The following PLOD2 variants were observed in gnomAD, a reference collection of about 807,000 sequenced individuals.
The protein encoded by PLOD2 is procollagen-lysine,2-oxoglutarate 5-dioxygenase 2.
Under a neutral mutation model 101.0 loss-of-function variants are expected in PLOD2, and 65 were observed. The ratio of observed to expected loss-of-function variants is 0.64; its 90% CI spans 0.53 to 0.79. PLOD2 has a LOEUF of 0.79. Among genes scored for constraint, PLOD2 ranks in the 30% least tolerant of loss-of-function variants. PLOD2 has a pLI of 0.00. For missense variants in PLOD2, 909 were observed against 914.6 expected (o/e 0.99, Z 0.08); for synonymous variants, 314 against 302.9 (o/e 1.04, Z -0.38).
intron 1 of PLOD2, among the ~76,000 whole-genome samples, chr3:146,130,543 A>T (rs1339552606): frequency 6.6e-6 from 1 of 152,236 alleles, no homozygotes; most frequent in Non-Finnish European, 1.5e-5. Flanking sequence ...GGTTCTTAAA[A>T]AACATTTCAG....
intron 17 of PLOD2, among the ~76,000 whole-genome samples, chr3:146,072,123 T>G (rs1430010138): frequency 6.6e-6 from 1 of 151,722 alleles, no homozygotes; most frequent in Admixed American, 6.6e-5. Context: ...GAATTACACC[T>G]AAGGCACTCA....
Position 146,139,948 on chromosome 3 carries a change from C to G in PLOD2, c.110-15719G>C, listed in dbSNP as rs190684253. ...ATTCAACTAATTCCTAGCTACAACACATTAGAAATGAATGGTTCGCCACCT... is the reference window on the plus strand; with the variant it reads ...ATTCAACTAATTCCTAGCTACAACAGATTAGAAATGAATGGTTCGCCACCT... On this transcript the variant is annotated intron_variant, in intron 1 of 19. Coordinates refer to ENST00000282903, the MANE Select transcript of PLOD2 (RefSeq NM_182943.3). Among the ~76,000 whole-genome samples, 602 of 152,158 alleles carry G rather than the reference C, an allele frequency of 4.0e-3. 1 individual carries two copies. Among genetic ancestry groups the G allele is most frequent in the African/African-American group, 0.014 (579 of 41,542 alleles).
At chr3:146,105,969 T>G (rs1937529161) in intron 5 of PLOD2, among the ~76,000 whole-genome samples, 1 of 152,162 alleles carries the variant, frequency 6.6e-6, no homozygotes, top group Non-Finnish European at 1.5e-5. Flanking sequence ...CAAGATGGAG[T>G]GAATACAAGA....
intron 3 of PLOD2, among the ~76,000 whole-genome samples, chr3:146,119,444 TC>T (rs1938078902): frequency 9.1e-6 from 1 of 109,528 alleles, no homozygotes; most frequent in Non-Finnish European, 2.0e-5. Flanking sequence ...TACTTTTGCC[TC>T]TTTTTTTTTA....
At position 146,131,846 on chromosome 3, in the gene PLOD2, G is replaced by A. The variant is rs543042285; in HGVS notation, c.110-7617C>T. ...AATTTTATTTTGTGGAATTGTTGAA[G>A]AGAATTAATTTTATTTTGCAGAACT... is the stretch of plus-strand genomic sequence containing the variant. On this transcript the variant is annotated intron_variant, in intron 1 of 19. Transcript: ENST00000282903. Among the ~76,000 whole-genome samples the A allele has an allele frequency of 3.3e-5, 5 of 152,032 alleles. No individual in the cohort carries two copies. The South Asian group carries it at 1.0e-3, about 32-fold the overall frequency.
At chr3:146,123,763 T>TTTA (rs1339066678) in intron 2 of PLOD2, among the ~76,000 whole-genome samples, 4 of 151,932 alleles carry the variant, frequency 2.6e-5, no homozygotes, top group Admixed American at 2.0e-4. Flanking sequence ...TTTTTTGCTG[T>TTTA]TTTATAGAGT....
chr3:146,138,802 A>G (rs1311427265), intron 1 of PLOD2, among the ~76,000 whole-genome samples: 1 of 152,204 alleles, frequency 6.6e-6, no homozygotes, highest in East Asian at 1.9e-4. Flanking sequence ...CAGTAATAAC[A>G]ATACAATAAT....
intron 1 of PLOD2, among the ~76,000 whole-genome samples, chr3:146,140,051 T>G (rs998684146): frequency 8.5e-5 from 13 of 152,110 alleles, no homozygotes; most frequent in Non-Finnish European, 1.3e-4. Context: ...AAGGTAGATG[T>G]TCATAAAATA....
At position 146,079,209 on chromosome 3, in the gene PLOD2, T is replaced by A. The variant is rs1936446395; in HGVS notation, c.1407A>T (p.Gly469=). Residue 469 remains glycine (G), a synonymous_variant, in exon 13 of 20, where the codon GGA becomes GGT. Coordinates refer to ENST00000282903, the MANE Select transcript of PLOD2 (RefSeq NM_182943.3). Reference sequence around the variant, plus strand: ...CATTCATCTCTGATCGGAGTGTCTTTCCTTTAATTAAGTACACATTAGCCA... The same window carrying A: ...CATTCATCTCTGATCGGAGTGTCTTACCTTTAATTAAGTACACATTAGCCA... ...PYMANVYLIK[G]KTLRSEMNER... The A allele has an allele frequency of 1.2e-6, 2 of 1,610,832 alleles. No homozygotes were observed. Among genetic ancestry groups the A allele is most frequent in the Non-Finnish European group, 1.7e-6 (2 of 1,177,164 alleles).
chr3:146,100,795 CT>C (rs1937359313), intron 7 of PLOD2, among the ~76,000 whole-genome samples: 1 of 152,060 alleles, frequency 6.6e-6, no homozygotes, highest in Non-Finnish European at 1.5e-5. Flanking sequence ...CATAAAGAGC[CT>C]TGTATGACAA....
intron 7 of PLOD2, among the ~76,000 whole-genome samples, chr3:146,100,715 G>A (rs1937356350): frequency 6.6e-6 from 1 of 152,196 alleles, no homozygotes; most frequent in Non-Finnish European, 1.5e-5. Context: ...TGAAGAGGGT[G>A]TGCATGTGTA....
chr3:146,108,968 T>A (rs1288672885), intron 4 of PLOD2, among the ~76,000 whole-genome samples: 1 of 152,130 alleles, frequency 6.6e-6, no homozygotes, highest in African/African-American at 2.4e-5. Context: ...ATTACTGAGG[T>A]CTTGACAGTA....
Position 146,160,986 on chromosome 3 carries a change from C to A in PLOD2, c.4G>T (p.Gly2Trp), listed in dbSNP as rs767119307. The A allele has an allele frequency of 5.1e-5, 80 of 1,573,368 alleles. No individual in the cohort carries two copies. Among genetic ancestry groups the A allele is most frequent in the Non-Finnish European group, 6.6e-5 (77 of 1,158,662 alleles). ...AGCTGAGGCTTCACCGTGCATCCCC[C>A]CATATTCGGCCCTCGAGGGCCGCGC... is the stretch of plus-strand genomic sequence containing the variant. M[G>W]GCTVKPQLLL... The change falls in exon 1 of 20, where the codon GGG becomes TGG. Residue 2 changes from glycine (G) to tryptophan (W), a missense_variant. Coordinates refer to ENST00000282903, the MANE Select transcript of PLOD2 (RefSeq NM_182943.3).
chr3:146,078,537 T>C (rs1485319099), intron 13 of PLOD2, among the ~76,000 whole-genome samples: 5 of 152,014 alleles, frequency 3.3e-5, no homozygotes, highest in Admixed American at 2.0e-4. Flanking sequence ...TCATTTTAAG[T>C]TTTATAATAA....
intron 11 of PLOD2, among the ~76,000 whole-genome samples, chr3:146,083,322 G>T (rs1936628685): frequency 6.6e-6 from 1 of 152,122 alleles, no homozygotes; most frequent in African/African-American, 2.4e-5. Flanking sequence ...AAAGAGAGCT[G>T]ATGAGAAGGT....
chr3:146,088,125 A>T lies in PLOD2; in HGVS notation c.1005+461T>A, dbSNP rs1195918019. Among the ~76,000 whole-genome samples the T allele has an allele frequency of 2.0e-5, 3 of 151,838 alleles. No homozygotes were observed. The East Asian group carries it at 5.8e-4, about 29-fold the overall frequency. The stretch of plus-strand genomic sequence containing the variant: ...TCTGAATATTTTTGAAGAAAATGAC[A>T]GTATCAAAATCCTTTGGGGAATGGC... On this transcript the variant is annotated intron_variant, in intron 9 of 19. Coordinates refer to ENST00000282903, the MANE Select transcript of PLOD2 (RefSeq NM_182943.3).
At chr3:146,139,402 T>A (rs1376621749) in intron 1 of PLOD2, among the ~76,000 whole-genome samples, 1 of 152,152 alleles carries the variant, frequency 6.6e-6, no homozygotes, top group African/African-American at 2.4e-5. Flanking sequence ...GTTTAAAGTA[T>A]CTTCTGTGAC....
At position 146,121,093 on chromosome 3, in the gene PLOD2, C is replaced by T. The variant is rs1327354356; in HGVS notation, c.338+19G>A. The T allele has an allele frequency of 6.5e-7, 1 of 1,536,598 alleles. No individual in the cohort carries two copies. Among genetic ancestry groups the T allele is most frequent in the South Asian group, 1.1e-5 (1 of 89,536 alleles). On this transcript the variant is annotated intron_variant, in intron 3 of 19. Transcript: ENST00000282903. ...GTAATTGAATATAGATTTTAAAATCCACAGGGTGTTTCTCCTACCATTCAG... is the reference window on the plus strand; with the variant it reads ...GTAATTGAATATAGATTTTAAAATCTACAGGGTGTTTCTCCTACCATTCAG...
chr3:146,091,071 A>C (rs1408492277), intron 8 of PLOD2, among the ~76,000 whole-genome samples: 1 of 151,874 alleles, frequency 6.6e-6, no homozygotes, highest in African/African-American at 2.4e-5. Context: ...ATTAATAATG[A>C]ATATTTTCAA....
Sources: allele counts gnomAD v4.1 joint callset (sites outside exome capture counted in the v4.1 genomes callset), GRCh38; gene constraint gnomAD v4.1.1; transcripts MANE v1.5; gene names NCBI Gene and HGNC (gene_info 2026-07-23, HGNC 2026-07-21).